Variants in MKLN1 observed in about 807,000 individuals in gnomAD.
MKLN1 encodes the protein muskelin.
Under a neutral mutation model 99.0 loss-of-function variants are expected in MKLN1, and 18 were observed. The observed-to-expected ratio is 0.18, with a 90% CI of 0.13 to 0.27. MKLN1 has a LOEUF of 0.27. MKLN1 is among the 10% of genes least tolerant of loss of function. The probability of loss-of-function intolerance (pLI) is 1.00; values close to 1 mark genes in which losing one functional copy is unlikely to be tolerated. For missense variants in MKLN1, 621 were observed against 875.9 expected, an observed-to-expected ratio of 0.71 and a Z score of 3.67; for synonymous variants, 288 against 293.2, an observed-to-expected ratio of 0.98 and a Z score of 0.18.
intron 2 of MKLN1, among the ~76,000 whole-genome samples, chr7:131,375,798 T>A (rs956929113): frequency 2.0e-5 from 3 of 151,532 alleles, no homozygotes; most frequent in Admixed American, 6.6e-5. Flanking sequence ...TCAATGACTA[T>A]CTTATGGGGA....
At chr7:131,316,609 A>G (rs900242590) in intron 3 of MKLN1, among the ~76,000 whole-genome samples, 1 of 152,206 alleles carries the variant, frequency 6.6e-6, no homozygotes, top group Non-Finnish European at 1.5e-5. Flanking sequence ...TAATGAGATT[A>G]ACGAATTGAC....
At chr7:131,128,437 G>C (rs1448578402) in intron 1 of MKLN1, among the ~76,000 whole-genome samples, 1 of 152,144 alleles carries the variant, frequency 6.6e-6, no homozygotes, top group Non-Finnish European at 1.5e-5. Context: ...CATTGTACTT[G>C]AGAGGCTGAA....
At chr7:131,138,252 C>T (rs12540546) in intron 1 of MKLN1, among the ~76,000 whole-genome samples, 24,058 of 152,066 alleles carry the variant, frequency 0.16, 2,259 homozygotes, top group African/African-American at 0.26. Context: ...ACATTTTGGT[C>T]CTTGTTATTT....
intron 3 of MKLN1, among the ~76,000 whole-genome samples, chr7:131,280,179 T>C (rs1798030407): frequency 6.6e-6 from 1 of 152,248 alleles, no homozygotes; most frequent in Non-Finnish European, 1.5e-5. Context: ...ATTGTATGGC[T>C]ATACCACATT....
At chr7:131,204,314 A>C (rs547422307) in intron 3 of MKLN1, among the ~76,000 whole-genome samples, 25 of 152,176 alleles carry the variant, frequency 1.6e-4, no homozygotes, top group Non-Finnish European at 2.4e-4. Flanking sequence ...GATCAATTTT[A>C]TTAAAATAGG....
At chr7:131,472,947 CAAAAAA>C (rs34420594) in intron 16 of MKLN1, among the ~76,000 whole-genome samples, 1 of 81,150 alleles carries the variant, frequency 1.2e-5, no homozygotes, top group Admixed American at 1.3e-4. Flanking sequence ...GATTCCATCT[CAAAAAA>C]AAAAAAAAAA....
chr7:131,481,812 G>GAAAA (rs1562888119), intron 17 of MKLN1, among the ~76,000 whole-genome samples: 1 of 71,576 alleles, frequency 1.4e-5, no homozygotes. Context: ...TCTAAGGTCT[G>GAAAA]CAAAAAAAAA....
intron 7 of MKLN1, 53 bp downstream of exon 7, chr7:131,411,436 A>G: frequency 1.6e-6 from 2 of 1,219,348 alleles, no homozygotes; most frequent in Non-Finnish European, 2.4e-6. Context: ...CTCAGTCTTC[A>G]GTTTTCCCAA....
At chr7:131,224,991 C>T (rs957454628) in intron 3 of MKLN1, among the ~76,000 whole-genome samples, 30 of 151,202 alleles carry the variant, frequency 2.0e-4, no homozygotes, top group African/African-American at 3.4e-4. Flanking sequence ...GAGAATGGTG[C>T]GAACCCGGGA....
At chr7:131,328,514 C>T (rs760201382) in intron 1 of MKLN1, among the ~76,000 whole-genome samples, 2 of 152,086 alleles carry the variant, frequency 1.3e-5, no homozygotes, top group African/African-American at 2.4e-5. Context: ...TTAAAAGTCA[C>T]GGAAGGCTGA....
intron 1 of MKLN1, among the ~76,000 whole-genome samples, chr7:131,364,524 A>G (rs558177680): frequency 6.6e-6 from 1 of 151,378 alleles, no homozygotes; most frequent in Non-Finnish European, 1.5e-5. Context: ...AGGTTTTTAC[A>G]TAGTTGTGTT....
At chr7:131,279,868 A>G (rs1186110548) in intron 3 of MKLN1, among the ~76,000 whole-genome samples, 3 of 152,116 alleles carry the variant, frequency 2.0e-5, no homozygotes, top group South Asian at 2.1e-4. Flanking sequence ...TATTAATACT[A>G]TTGTGCAACC....
At chr7:131,425,056 ATTAT>A (rs1232380574) in intron 8 of MKLN1, among the ~76,000 whole-genome samples, 1 of 152,196 alleles carries the variant, frequency 6.6e-6, no homozygotes, top group African/African-American at 2.4e-5. Context: ...TTTAACATGC[ATTAT>A]TTAATTTAAT....
intron 2 of MKLN1, among the ~76,000 whole-genome samples, chr7:131,176,334 T>C (rs185407864): frequency 2.4e-4 from 36 of 152,338 alleles, no homozygotes; most frequent in Admixed American, 3.3e-4. Context: ...ATACTAAAAA[T>C]ATTTTATTTT....
intron 6 of MKLN1, among the ~76,000 whole-genome samples, chr7:131,401,072 C>G (rs1019739262): frequency 1.2e-4 from 19 of 152,046 alleles, no homozygotes; most frequent in African/African-American, 4.6e-4. Context: ...AAAAACATAG[C>G]AGAGAAGGAC....
chr7:131,440,715 CAT>C (rs35344941), intron 10 of MKLN1, among the ~76,000 whole-genome samples: 1 of 150,474 alleles, frequency 6.6e-6, no homozygotes, highest in African/African-American at 2.4e-5. Context: ...GGAGAGCCAA[CAT>C]ATATATATAT....
intron 3 of MKLN1, among the ~76,000 whole-genome samples, chr7:131,387,783 A>T (rs1794076182): frequency 6.6e-6 from 1 of 152,214 alleles, no homozygotes; most frequent in African/African-American, 2.4e-5. Context: ...ATAATATTTG[A>T]CCACCGGGAA....
At chr7:131,215,679 T>C (rs1005839416) in intron 3 of MKLN1, among the ~76,000 whole-genome samples, 2 of 152,228 alleles carry the variant, frequency 1.3e-5, no homozygotes, top group Non-Finnish European at 2.9e-5. Flanking sequence ...CTGTATGATA[T>C]TCTTCATAAA....
At chr7:131,199,051 A>T (rs1272568373) in intron 2 of MKLN1, among the ~76,000 whole-genome samples, 1 of 152,114 alleles carries the variant, frequency 6.6e-6, no homozygotes, top group Non-Finnish European at 1.5e-5. Flanking sequence ...TCCATAACCA[A>T]TGATAAGAAC....
Sources: gnomAD v4.1 joint callset for allele counts (sites outside exome capture counted in the v4.1 genomes callset) on GRCh38, gnomAD v4.1.1 for gene constraint, MANE v1.5 for transcripts, NCBI Gene and HGNC (gene_info 2026-07-23, HGNC 2026-07-21) for gene names.